The following NCAM1 variants were observed in gnomAD, a reference collection of about 807,000 sequenced individuals.
NCAM1 encodes the protein neural cell adhesion molecule 1, also known as antigen recognized by monoclonal antibody 5.1H11.
NCAM1 carries 14 observed loss-of-function variants against 109.8 expected under a neutral mutation model. That is an observed-to-expected ratio of 0.13 (90% CI 0.08 to 0.20). The LOEUF (loss-of-function observed/expected upper bound fraction) is 0.20, where lower values mean the gene tolerates loss of function less well. Ranked by LOEUF, NCAM1 falls within the 10% of genes least tolerant of loss-of-function variation. The pLI, the probability that NCAM1 is intolerant of heterozygous loss-of-function variation, is 1.00. For missense variants in NCAM1, 774 were observed against 1,109.9 expected, an observed-to-expected ratio of 0.70 and a Z score of 4.30; for synonymous variants, 418 against 442.9, an observed-to-expected ratio of 0.94 and a Z score of 0.70.
chr11:113,010,748 G>T (rs781637304), intron 1 of NCAM1, among the ~76,000 whole-genome samples: 4 of 152,202 alleles, frequency 2.6e-5, no homozygotes, highest in Non-Finnish European at 5.9e-5. Context: ...CATATTGAGT[G>T]TATAGTACTG....
chr11:112,961,686 T>G, intron 1 of NCAM1, 22 bp downstream of exon 1: 1 of 1,379,348 alleles, frequency 7.2e-7, no homozygotes, highest in Non-Finnish European at 1.0e-6. Flanking sequence ...TTTTTTTTAA[T>G]TCTCAATCTG....
At chr11:113,147,377 C>T (rs1397213116) in intron 1 of NCAM1, among the ~76,000 whole-genome samples, 2 of 152,218 alleles carry the variant, frequency 1.3e-5, no homozygotes, top group Admixed American at 1.3e-4. Flanking sequence ...ACAAAAACGG[C>T]TAGCTCATGG....
intron 9 of NCAM1, among the ~76,000 whole-genome samples, chr11:113,228,486 A>C (rs377616100): frequency 2.6e-5 from 4 of 152,064 alleles, no homozygotes; most frequent in Non-Finnish European, 2.9e-5. Context: ...GAATCAATAT[A>C]GTGAAAATGG....
intron 1 of NCAM1, among the ~76,000 whole-genome samples, chr11:113,164,240 T>G (rs1942703757): frequency 6.6e-6 from 1 of 152,164 alleles, no homozygotes; most frequent in African/African-American, 2.4e-5. Context: ...AAACACAAAC[T>G]GACTTGTTTT....
At chr11:113,153,848 G>C (rs1942322310) in intron 1 of NCAM1, among the ~76,000 whole-genome samples, 1 of 152,206 alleles carries the variant, frequency 6.6e-6, no homozygotes, top group South Asian at 2.1e-4. Context: ...GTGACACATT[G>C]AGAAAGTTCT....
intron 9 of NCAM1, among the ~76,000 whole-genome samples, chr11:113,223,952 C>T (rs1046201595): frequency 9.2e-5 from 14 of 152,250 alleles, no homozygotes; most frequent in Admixed American, 2.0e-4. Flanking sequence ...GAGGTAGGGG[C>T]GGTTCCAAGA....
intron 17 of NCAM1, chr11:113,263,600 CTG>C (rs1946066688): frequency 6.1e-6 from 6 of 985,546 alleles, no homozygotes; most frequent in Non-Finnish European, 7.2e-6. Context: ...GCACCTTACA[CTG>C]TCTCTGTGAA....
At chr11:113,211,062 T>G (rs1355722490) in intron 7 of NCAM1, among the ~76,000 whole-genome samples, 1 of 152,196 alleles carries the variant, frequency 6.6e-6, no homozygotes, top group Non-Finnish European at 1.5e-5. Context: ...TCCCTTCTCA[T>G]CCTCCTTTCT....
intron 1 of NCAM1, among the ~76,000 whole-genome samples, chr11:113,198,942 A>G (rs1943942076): frequency 6.6e-6 from 1 of 152,196 alleles, no homozygotes; most frequent in African/African-American, 2.4e-5. Flanking sequence ...TGATGAAATA[A>G]TGAAGTGTGT....
intron 1 of NCAM1, among the ~76,000 whole-genome samples, chr11:113,161,047 C>G (rs1942583735): frequency 6.6e-6 from 1 of 152,132 alleles, no homozygotes; most frequent in Non-Finnish European, 1.5e-5. Flanking sequence ...TCTGTCTTCA[C>G]TGCCATCTCA....
chr11:113,076,847 G>A (rs1555086224), intron 1 of NCAM1, among the ~76,000 whole-genome samples: 1 of 152,156 alleles, frequency 6.6e-6, no homozygotes, highest in African/African-American at 2.4e-5. Flanking sequence ...TCTTGATTAT[G>A]TACCTAGGGA....
At chr11:113,128,387 AT>A (rs1372442442) in intron 1 of NCAM1, among the ~76,000 whole-genome samples, 5 of 152,214 alleles carry the variant, frequency 3.3e-5, no homozygotes, top group Non-Finnish European at 7.3e-5. Flanking sequence ...GCACTCAGGT[AT>A]TAGAAAGTGT....
intron 1 of NCAM1, among the ~76,000 whole-genome samples, chr11:113,128,942 T>C (rs1167231195): frequency 1.0e-4 from 15 of 149,710 alleles, no homozygotes; most frequent in Admixed American, 9.9e-4. Context: ...TGTGTGTGTG[T>C]GTGTGTGCAT....
intron 1 of NCAM1, among the ~76,000 whole-genome samples, chr11:113,155,024 A>T (rs1481796882): frequency 3.3e-5 from 5 of 152,172 alleles, no homozygotes; most frequent in African/African-American, 1.2e-4. Flanking sequence ...AAGGATGCTC[A>T]GTACAGGAAA....
At chr11:113,046,431 A>G (rs1434958991) in intron 1 of NCAM1, among the ~76,000 whole-genome samples, 2 of 152,220 alleles carry the variant, frequency 1.3e-5, no homozygotes, top group African/African-American at 4.8e-5. Context: ...GGCACACAGA[A>G]TCCATAACTT....
chr11:112,977,327 A>T (rs1172357945), intron 1 of NCAM1: 3 of 151,876 alleles, frequency 2.0e-5, no homozygotes, highest in Non-Finnish European at 4.4e-5. Context: ...TGTAAGTGAG[A>T]TGGATTACTA....
Position 113,034,904 on chromosome 11 carries a change from G to A in NCAM1, c.52+73240G>A, listed in dbSNP as rs575374862. 6.6e-5 allele frequency among the ~76,000 whole-genome samples: 10 copies of A among 152,166 alleles called. No individual in the cohort carries two copies. The South Asian group carries it at 1.0e-3, about 16-fold the overall frequency. On this transcript the variant is annotated intron_variant, in intron 1 of 19. Coordinates refer to ENST00000316851, the MANE Select transcript of NCAM1 (RefSeq NM_181351.5). ...CTCCTTAGACATTTAAAAACACATG[G>A]GAAATATTCTGTTATTATCATAAAG...
intron 1 of NCAM1, among the ~76,000 whole-genome samples, chr11:113,002,601 C>T (rs530086258): frequency 3.9e-5 from 6 of 152,240 alleles, no homozygotes; most frequent in African/African-American, 1.2e-4. Context: ...TTTGAAGGGG[C>T]TTCCATCAAG....
intron 1 of NCAM1, among the ~76,000 whole-genome samples, chr11:113,185,242 A>G (rs1216369845): frequency 6.6e-6 from 1 of 152,006 alleles, no homozygotes; most frequent in Non-Finnish European, 1.5e-5. Context: ...AAGAGAGCAG[A>G]TGGTGTAAGA....
Sources: allele counts gnomAD v4.1 joint callset (sites outside exome capture counted in the v4.1 genomes callset), GRCh38; gene constraint gnomAD v4.1.1; transcripts MANE v1.5; gene names NCBI Gene and HGNC (gene_info 2026-07-23, HGNC 2026-07-21).